Variants in GALK1 observed in about 807,000 individuals in gnomAD.
GALK1 encodes galactokinase.
GALK1 carries 30 observed loss-of-function variants against 38.6 expected under a neutral mutation model. That is an observed-to-expected ratio of 0.78 (90% confidence interval 0.58 to 1.05). The LOEUF (loss-of-function observed/expected upper bound fraction) is 1.05. Among genes scored for constraint, GALK1 ranks in the 50% least tolerant of loss-of-function variants. The pLI is 0.00. For synonymous variants in GALK1, 240 were observed against 233.6 expected, an observed-to-expected ratio of 1.03 and a Z score of -0.25; for missense variants, 512 against 540.5, an observed-to-expected ratio of 0.95 and a Z score of 0.52.
downstream of GALK1, chr17:75,755,342 A>C: frequency 1.0e-6 from 1 of 1,004,666 alleles, no homozygotes; most frequent in Non-Finnish European, 1.4e-6. Context: ...GCCTGCCCAC[A>C]GGCGCTAACC....
At chr17:75,757,711 G>A, downstream of GALK1, 5 of 1,024,728 alleles carry the variant, frequency 4.9e-6, no homozygotes, top group East Asian at 2.5e-5. Flanking sequence ...CATGAAGGGG[G>A]CAAGGTCCGT....
downstream of GALK1, chr17:75,757,033 A>T (rs1662937557): frequency 6.2e-7 from 1 of 1,612,426 alleles, no homozygotes; most frequent in African/African-American, 1.3e-5. Flanking sequence ...TACAAGTTCA[A>T]GGTGCAGGCC....
chr17:75,763,047 C>G lies in GALK1; in HGVS notation c.578G>C (p.Gly193Ala). Residue 193 changes from glycine (G) to alanine (A), a missense_variant, in exon 4 of 8, where the codon GGA becomes GCA. Physicochemically the swap from Gly to Ala is moderately conservative, Grantham distance 60. Transcript: ENST00000588479. ...AATGAGCAGCGCGTGGCCTTTCTGT[C>G]CCATAAGTGAGATGAACTGGTCCAT... ...GIMDQFISLM[G>A]QKGHALLIDC... The G allele has an allele frequency of 6.2e-7, 1 of 1,613,054 alleles. No individual in the cohort carries two copies. Among genetic ancestry groups the G allele is most frequent in the Non-Finnish European group, 8.5e-7 (1 of 1,180,014 alleles).
downstream of GALK1, chr17:75,756,960 C>T (rs756270166): frequency 5.6e-6 from 9 of 1,612,644 alleles, no homozygotes; most frequent in Admixed American, 5.0e-5. Flanking sequence ...CACCGCATTC[C>T]GGGTGGATGG....
chr17:75,763,432 G>T lies in GALK1; in HGVS notation c.363C>A (p.Pro121=), dbSNP rs779234943. 4 of 1,599,494 alleles carry T rather than the reference G, an allele frequency of 2.5e-6. No individual in the cohort carries two copies. The highest frequency in any genetic ancestry group is 1.1e-5 in the South Asian group (1 of 89,232). ...CCACCACTGCACTGAAGCCAGGGAG[G>T]GGGGCAGCTGCAGGGGAAAGAACAG... The part of the protein sequence containing the change: ...KGVIQYYPAA[P]LPGFSAVVVS... The change falls in exon 3 of 8, where the codon CCC becomes CCA. Residue 121 remains proline (P), a synonymous_variant. Coordinates refer to ENST00000588479, the MANE Select transcript of GALK1 (RefSeq NM_000154.2).
At chr17:75,754,567 C>CGA (rs1285120626), downstream of GALK1, 4 of 1,613,354 alleles carry the variant, frequency 2.5e-6, no homozygotes, top group Non-Finnish European at 3.4e-6. Context: ...CCCTGCTCTC[C>CGA]CCCTGCAGAG....
Position 75,758,493 on chromosome 17 carries a change from G to A in GALK1, c.900C>T (p.Tyr300=), listed in dbSNP as rs2143587826. 5 of 1,578,794 alleles carry A rather than the reference G, an allele frequency of 3.2e-6. No homozygotes were observed. Among genetic ancestry groups the A allele is most frequent in the Non-Finnish European group, 4.3e-6 (5 of 1,165,046 alleles). Residue 300 remains tyrosine, a synonymous_variant, in exon 6 of 8, where the codon TAC becomes TAT. Coordinates refer to ENST00000588479, the MANE Select transcript of GALK1 (RefSeq NM_000154.2). ...CCACCATGAGGCGGCCAAAGGCTCT[G>A]TAGTCGCCACGTCTCAGGGCGGCCG... ...QAAAALRRGD[Y]RAFGRLMVES...
chr17:75,764,706 T>G (rs778829800), intron 1 of GALK1: 1 of 608,844 alleles, frequency 1.6e-6, no homozygotes, highest in Non-Finnish European at 3.0e-6. Flanking sequence ...GCTCCCAGGT[T>G]GAAGGCGAGG....
intron 5 of GALK1, among the ~76,000 whole-genome samples, chr17:75,760,740 C>T (rs1045743110): frequency 3.3e-5 from 5 of 151,942 alleles, no homozygotes; most frequent in Non-Finnish European, 5.9e-5. Context: ...CACGCCACTG[C>T]GCTCCAGCCT....
At chr17:75,751,839 G>A (rs1306090096) in intron 8 of GALK1, 4 of 416,314 alleles carry the variant, frequency 9.6e-6, no homozygotes, top group African/African-American at 8.1e-5. Context: ...AGTCCTGGAA[G>A]GGAGGCAGGG....
chr17:75,756,524 G>T (rs1568387067), downstream of GALK1: 5 of 1,613,290 alleles, frequency 3.1e-6, no homozygotes, highest in Admixed American at 6.7e-5. Context: ...CCGCGTGCGG[G>T]CCCAGAGCCA....
chr17:75,761,013 C>T (rs934631782), intron 5 of GALK1, among the ~76,000 whole-genome samples: 11 of 151,962 alleles, frequency 7.2e-5, no homozygotes, highest in African/African-American at 2.7e-4. Context: ...ACCAGCCCGA[C>T]CAACATGGTA....
rs973508666 is a variant in GALK1, at chr17:75,762,555, G to A, written c.793+149C>T. ...GATTTCAAGCAGCCCTGCTGAGATT[G>A]GAACCCTGGGTGCGCAGTGTTTGAA... On this transcript the variant is annotated intron_variant, in intron 5 of 7. Transcript: ENST00000588479. 6.3e-6 allele frequency: 5 copies of A among 794,224 alleles called. No homozygotes were observed. In the African/African-American group the frequency reaches 6.8e-5, roughly 11 times the overall value. 49.2% of individuals were successfully genotyped at this position (794,224 alleles called of 1,614,324 possible). A position where few individuals can be genotyped will look rare whatever the true frequency, so the allele number is the denominator to read the frequency against.
rs1349483506 is a variant in GALK1 at position 75,758,535 on chromosome 17, C to T, written c.858G>A (p.Arg286=). The T allele has an allele frequency of 8.8e-6, 14 of 1,593,572 alleles. No individual in the cohort carries two copies. Among genetic ancestry groups the T allele is most frequent in the Admixed American group, 1.7e-5 (1 of 58,542 alleles). Reference sequence around the variant, plus strand: ...GGGCGGCCGCTGCCTGGGCCGTGCGCCGAATCTCCCCCACCACGTGCCGGG... The same window carrying T: ...GGGCGGCCGCTGCCTGGGCCGTGCGTCGAATCTCCCCCACCACGTGCCGGG... ...RRARHVVGEI[R]RTAQAAAALR... Residue 286 remains arginine (R), a synonymous_variant, in exon 6 of 8, where the codon CGG becomes CGA. Transcript: ENST00000588479.
intron 2 of GALK1, 188 bp downstream of exon 2, chr17:75,763,709 A>T (rs571668992): frequency 1.2e-3 from 882 of 731,568 alleles, no homozygotes; most frequent in Non-Finnish European, 1.6e-3. Context: ...TGGCTCCTCC[A>T]ATCAGGTCAC....
chr17:75,753,989 C>G (rs779100324), downstream of GALK1: 1 of 1,119,974 alleles, frequency 8.9e-7, no homozygotes, highest in African/African-American at 1.6e-5. Flanking sequence ...CAGGCTCACC[C>G]GCCGCCCCCC....
rs1461116767 is a variant in GALK1 at position 75,763,327 on chromosome 17, G to A, written c.468C>T (p.Leu156=). The change falls in exon 3 of 8, where the codon CTC becomes CTT. Residue 156 remains leucine, a synonymous_variant. Coordinates refer to ENST00000588479, the MANE Select transcript of GALK1 (RefSeq NM_000154.2). ...CTGGGGCCTAGCTGGTACCTGGACA[G>A]AGCTGCTGGAGGAAGGTGTACGTGG... is the stretch of plus-strand genomic sequence containing the variant. ...EVATYTFLQQ[L]CPDSGTIAAR... is the part of the protein sequence containing the mutation. 2.5e-6 allele frequency: 4 copies of A among 1,614,084 alleles called. No homozygotes were observed. The highest frequency in any genetic ancestry group is 3.4e-6 in the Non-Finnish European group (4 of 1,180,018).
downstream of GALK1, chr17:75,756,561 G>A (rs756507156): frequency 1.5e-5 from 25 of 1,613,182 alleles, no homozygotes; most frequent in Non-Finnish European, 2.1e-5. Context: ...GAGCGTGAGG[G>A]TGTCATCACC....
intron 1 of GALK1, 40 bp from the exon 2 acceptor site, chr17:75,764,126 C>T (rs775606848): frequency 2.0e-6 from 3 of 1,533,554 alleles, no homozygotes; most frequent in Admixed American, 3.9e-5. Context: ...CTTCCGCCAG[C>T]TGGAGTAAGC....
Sources: allele counts gnomAD v4.1 joint callset (sites outside exome capture counted in the v4.1 genomes callset), GRCh38; gene constraint gnomAD v4.1.1; transcripts MANE v1.5; gene names NCBI Gene and HGNC (gene_info 2026-07-23, HGNC 2026-07-21).